INTS8: variants seen among roughly 807,000 people sequenced by gnomAD.
INTS8 encodes the protein integrator complex subunit 8.
INTS8 carries 47 observed loss-of-function variants against 138.9 expected under a neutral mutation model. The observed-to-expected ratio is 0.34, with a 90% CI of 0.27 to 0.43. The LOEUF (loss-of-function observed/expected upper bound fraction) is 0.43, where lower values mean the gene tolerates loss of function less well. Ranked by LOEUF, INTS8 falls within the 20% of genes least tolerant of loss-of-function variation. INTS8 has a pLI of 1.00. For missense variants in INTS8, 996 were observed against 1,173.0 expected (o/e 0.85, Z 2.20); for synonymous variants, 392 against 400.9 (o/e 0.98, Z 0.27).
chr8:94,851,731 C>G (rs766545010), intron 13 of INTS8, 45 bp downstream of exon 13: 7 of 1,505,274 alleles, frequency 4.7e-6, no homozygotes, highest in African/African-American at 2.9e-5. Flanking sequence ...CCCTTGTTTT[C>G]TGAGGTAATT....
Position 94,867,206 on chromosome 8 carries a change from T to A in INTS8, c.2352+10T>A. On this transcript the variant is annotated intron_variant, in intron 19 of 26. Coordinates refer to ENST00000523731, the MANE Select transcript of INTS8 (RefSeq NM_017864.4). ...ACTTCACAATGTTCGGGTAAGTATT[T>A]CATAATTTCATTTAGAAAAATTTAA... 6 of 1,604,430 alleles carry A rather than the reference T, an allele frequency of 3.7e-6. No individual in the cohort carries two copies. The highest frequency in any genetic ancestry group is 5.1e-6 in the Non-Finnish European group (6 of 1,175,044).
At chr8:94,833,917 A>G (rs1350291401) in intron 6 of INTS8, among the ~76,000 whole-genome samples, 1 of 152,086 alleles carries the variant, frequency 6.6e-6, no homozygotes, top group Non-Finnish European at 1.5e-5. Context: ...GATTACAGGC[A>G]TGCACCACCT....
intron 5 of INTS8, among the ~76,000 whole-genome samples, chr8:94,831,690 C>A (rs1018765650): frequency 1.3e-5 from 2 of 151,778 alleles, no homozygotes; most frequent in Non-Finnish European, 2.9e-5. Flanking sequence ...CCCTATTGGT[C>A]AGGCTGGTCT....
rs143560706 is a variant in INTS8, at chr8:94,835,461, G to A, written c.754-1063G>A. Among the ~76,000 whole-genome samples, 393 of 152,218 alleles carry A rather than the reference G, an allele frequency of 2.6e-3. 1 individual carries two copies. The highest frequency in any genetic ancestry group is 8.7e-3 in the African/African-American group (361 of 41,512). On this transcript the variant is annotated intron_variant, in intron 6 of 26. Transcript: ENST00000523731. ...AACATACGACTGGAAAAGTTTTATG[G>A]TTAGCATACATTTCTCACTTTAACC...
chr8:94,834,627 C>T (rs1160487712), intron 6 of INTS8, among the ~76,000 whole-genome samples: 1 of 151,526 alleles, frequency 6.6e-6, no homozygotes, highest in Non-Finnish European at 1.5e-5. Context: ...TCGCTTGAAC[C>T]CGAAAGAGGA....
At position 94,881,693 on chromosome 8, in the gene INTS8, A is replaced by C; in HGVS notation, c.*1459A>C. On this transcript the variant is annotated 3_prime_UTR_variant, in exon 27 of 27. Coordinates refer to ENST00000523731, the MANE Select transcript of INTS8 (RefSeq NM_017864.4). The stretch of plus-strand genomic sequence containing the variant: ...TGGTGTCATAATGCCTCCATTGCAC[A>C]CTGGTGACAACTGTCCCCCTTTTCT... 1 of 1,613,882 alleles carries C rather than the reference A, an allele frequency of 6.2e-7. No individual in the cohort carries two copies. The highest frequency in any genetic ancestry group is 8.5e-7 in the Non-Finnish European group (1 of 1,179,868).
chr8:94,850,924 G>C (rs538390868), intron 12 of INTS8, among the ~76,000 whole-genome samples: 1 of 152,234 alleles, frequency 6.6e-6, no homozygotes, highest in East Asian at 1.9e-4. Context: ...ATATAGATGA[G>C]AGAGAATTCG....
intron 2 of INTS8, among the ~76,000 whole-genome samples, chr8:94,826,792 A>G (rs1258708604): frequency 6.6e-6 from 1 of 152,150 alleles, no homozygotes; most frequent in Admixed American, 6.5e-5. Flanking sequence ...GTTTTTTCAT[A>G]ATAAAAAGTT....
At chr8:94,859,431 G>GA in intron 15 of INTS8, 80 bp from the exon 16 acceptor site, 1 of 1,410,448 alleles carries the variant, frequency 7.1e-7, no homozygotes, top group Non-Finnish European at 9.9e-7. Context: ...TTATTCAGTT[G>GA]AAATCTGAGC....
chr8:94,851,467 A>G, intron 12 of INTS8, 86 bp from the exon 13 acceptor site: 2 of 896,792 alleles, frequency 2.2e-6, no homozygotes, highest in South Asian at 2.1e-5. Flanking sequence ...ATTTATAGAT[A>G]TAATACAAAA....
chr8:94,866,842 A>G (rs553608831), intron 18 of INTS8: 4 of 300,900 alleles, frequency 1.3e-5, no homozygotes, highest in South Asian at 1.8e-4. Flanking sequence ...CTCTTTGAAC[A>G]TTATTTTAAG....
At chr8:94,854,951 G>A (rs978427938) in intron 14 of INTS8, among the ~76,000 whole-genome samples, 1 of 107,970 alleles carries the variant, frequency 9.3e-6, no homozygotes, top group African/African-American at 3.6e-5. Context: ...TCCTTATTTT[G>A]CCCAGGCTGA....
chr8:94,823,710 C>T (rs1814369588), intron 1 of INTS8, 149 bp downstream of exon 1: 2 of 628,064 alleles, frequency 3.2e-6, no homozygotes, highest in African/African-American at 2.0e-5. Flanking sequence ...CCTCGCTTCC[C>T]TTAAACATGC....
intron 1 of INTS8, among the ~76,000 whole-genome samples, 200 bp from the exon 2 acceptor site, chr8:94,824,691 AAC>A (rs1814416192): frequency 4.7e-5 from 7 of 148,670 alleles, no homozygotes; most frequent in African/African-American, 1.7e-4. Flanking sequence ...CATCTCCTTT[AAC>A]CCCCAGGCAC....
chr8:94,876,413 T>C lies in INTS8; in HGVS notation c.2828-33T>C, dbSNP rs1816566079. The C allele has an allele frequency of 2.1e-6, 3 of 1,429,704 alleles. No individual in the cohort carries two copies. The South Asian group carries it at 3.7e-5, about 17-fold the overall frequency. The allele number at this position is 1,429,704 out of a possible 1,614,324, so 88.6% of individuals were successfully genotyped here. On this transcript the variant is annotated intron_variant, in intron 25 of 26. Coordinates refer to ENST00000523731, the MANE Select transcript of INTS8 (RefSeq NM_017864.4). Reference sequence around the variant, plus strand: ...GAGATTCTCTCATTATATTTAATACTATCAGATTTATTTTCCTTAACTGAT... The same window carrying C: ...GAGATTCTCTCATTATATTTAATACCATCAGATTTATTTTCCTTAACTGAT...
chr8:94,842,445 T>C lies in INTS8; in HGVS notation c.1217T>C (p.Leu406Pro). Residue 406 changes from leucine (L) to proline (P), a missense_variant, in exon 10 of 27, where the codon CTA becomes CCA. Physicochemically the swap from Leu to Pro is moderately conservative, Grantham distance 98 (BLOSUM62 -3). Coordinates refer to ENST00000523731, the MANE Select transcript of INTS8 (RefSeq NM_017864.4). ...ACAATTAGTGTTCAATTTAACCAGCTATTTCTTAGACCAAATAAAGAGAAA... is the reference window on the plus strand; with the variant it reads ...ACAATTAGTGTTCAATTTAACCAGCCATTTCTTAGACCAAATAAAGAGAAA... ...GRTISVQFNQ[L>P]FLRPNKEKID... 1 of 1,605,744 alleles carries C rather than the reference T, an allele frequency of 6.2e-7. No homozygotes were observed. The highest frequency in any genetic ancestry group is 8.5e-7 in the Non-Finnish European group (1 of 1,172,970).
At chr8:94,840,368 T>A (rs1369088416) in intron 8 of INTS8, among the ~76,000 whole-genome samples, 1 of 152,132 alleles carries the variant, frequency 6.6e-6, no homozygotes, top group African/African-American at 2.4e-5. Context: ...TTTTCAGATA[T>A]CTCCTTTCCC....
chr8:94,840,547 A>AT (rs769872369), intron 8 of INTS8, among the ~76,000 whole-genome samples: 19 of 139,550 alleles, frequency 1.4e-4, no homozygotes, highest in Admixed American at 5.4e-4. Context: ...TTTCAGCTGA[A>AT]TTTTTTAATT....
chr8:94,849,469 C>G lies in INTS8; in HGVS notation c.1268C>G (p.Ser423Ter). 6.6e-7 allele frequency: 1 copy of G among 1,519,606 alleles called. No homozygotes were observed. The highest frequency in any genetic ancestry group is 9.0e-7 in the Non-Finnish European group (1 of 1,108,498). 94.1% of individuals were successfully genotyped at this position (1,519,606 alleles called of 1,614,324 possible). ...AATTACTCAAATTCCTAGGTATGTTCAAGATCAGTAAATTTAGAAAAAGCT... is the reference window on the plus strand; with the variant it reads ...AATTACTCAAATTCCTAGGTATGTTGAAGATCAGTAAATTTAGAAAAAGCT... ...EKIDFLLEVC[S>*]RSVNLEKASE... The change falls in exon 11 of 27, where the codon TCA (serine) becomes TGA (stop). Residue 423 changes from serine (S) to a stop codon, truncating the protein, a stop_gained. Coordinates refer to ENST00000523731, the MANE Select transcript of INTS8 (RefSeq NM_017864.4). LOFTEE classifies it high-confidence loss of function.
Sources: allele counts gnomAD v4.1 joint callset (sites outside exome capture counted in the v4.1 genomes callset), GRCh38; gene constraint gnomAD v4.1.1; transcripts MANE v1.5; gene names NCBI Gene and HGNC (gene_info 2026-07-23, HGNC 2026-07-21).